The following GLI3 variants were observed in gnomAD, a reference collection of about 807,000 sequenced individuals.
GLI3 encodes GLI family zinc finger 3, also known as transcription activator GLI3.
GLI3 carries 20 observed loss-of-function variants against 100.8 expected under a neutral mutation model. That is an observed-to-expected ratio of 0.20 (90% CI 0.14 to 0.29). GLI3 has a LOEUF of 0.29. Ranked by LOEUF, GLI3 falls within the 10% of genes least tolerant of loss-of-function variation. The pLI is 1.00. For missense variants in GLI3, 2,040 were observed against 2,128.5 expected (o/e 0.96, Z 0.82); for synonymous variants, 938 against 860.5 (o/e 1.09, Z -1.58).
At chr7:42,030,112 C>T (rs1045167264) in intron 7 of GLI3, among the ~76,000 whole-genome samples, 2 of 152,306 alleles carry the variant, frequency 1.3e-5, no homozygotes, top group South Asian at 2.1e-4. Flanking sequence ...TTATTCCAGA[C>T]GGTCTAGGCT....
chr7:42,162,965 CTTTTTTTTTTTTTTTTT>C (rs58993499), intron 2 of GLI3, among the ~76,000 whole-genome samples: 1 of 95,576 alleles, frequency 1.0e-5, no homozygotes, highest in Non-Finnish European at 2.0e-5. Flanking sequence ...GAATAAACAC[CTTTTTTTTTTTTTTTTT>C]TTTTTTTTTT....
Position 41,963,443 on chromosome 7 carries a change from C to T in GLI3, c.*887G>A, listed in dbSNP as rs936641071. ...CTACCCAATTGCTTCAATCTACCATCTATCTAACTTCTTACCAGAACAGAT... is the reference window on the plus strand; with the variant it reads ...CTACCCAATTGCTTCAATCTACCATTTATCTAACTTCTTACCAGAACAGAT... On this transcript the variant is annotated 3_prime_UTR_variant, in exon 15 of 15. Transcript: ENST00000395925. 6.6e-6 allele frequency: 1 copy of T among 152,246 alleles called. No homozygotes were observed. Among genetic ancestry groups the T allele is most frequent in the African/African-American group, 2.4e-5 (1 of 41,464 alleles). 9.4% of individuals were successfully genotyped at this position (152,246 alleles called of 1,614,324 possible).
intron 4 of GLI3, 65 bp downstream of exon 4, chr7:42,076,687 G>C: frequency 2.0e-6 from 2 of 1,013,098 alleles, no homozygotes; most frequent in South Asian, 2.5e-5. Context: ...TTAACAAAAA[G>C]TCCTGAGATG....
chr7:42,013,820 A>C (rs1208986563), intron 10 of GLI3, among the ~76,000 whole-genome samples: 1 of 152,194 alleles, frequency 6.6e-6, no homozygotes, highest in Non-Finnish European at 1.5e-5. Flanking sequence ...AACGACCCTG[A>C]TAATCCTGTT....
At chr7:42,208,217 A>G (rs1583648729) in intron 2 of GLI3, among the ~76,000 whole-genome samples, 1 of 152,162 alleles carries the variant, frequency 6.6e-6, no homozygotes. Context: ...AGAGGAGAGC[A>G]GGGAATAGCA....
At chr7:42,113,459 C>A (rs1785768036) in intron 3 of GLI3, 1 of 750,150 alleles carries the variant, frequency 1.3e-6, no homozygotes, top group Admixed American at 1.7e-5. Flanking sequence ...TCTGCTAAAC[C>A]TGCTCCTCCA....
intron 2 of GLI3, among the ~76,000 whole-genome samples, chr7:42,175,618 C>CAA (rs545191898): frequency 6.7e-4 from 87 of 130,420 alleles, no homozygotes; most frequent in African/African-American, 1.9e-3. Context: ...ACTCTGTCTC[C>CAA]AAAAAAAAAA....
chr7:42,017,124 G>A (rs906539527), intron 10 of GLI3, among the ~76,000 whole-genome samples: 1 of 152,168 alleles, frequency 6.6e-6, no homozygotes, highest in African/African-American at 2.4e-5. Flanking sequence ...TAATAAACAG[G>A]AGAATACATT....
At chr7:42,099,510 T>A (rs1785413277) in intron 3 of GLI3, among the ~76,000 whole-genome samples, 1 of 152,216 alleles carries the variant, frequency 6.6e-6, no homozygotes, top group African/African-American at 2.4e-5. Context: ...ATGAACATAT[T>A]ATATTTATTT....
intron 1 of GLI3, among the ~76,000 whole-genome samples, chr7:42,257,573 T>G (rs1789098122): frequency 6.6e-6 from 1 of 152,098 alleles, no homozygotes; most frequent in African/African-American, 2.4e-5. Flanking sequence ...CTCCATCTCC[T>G]GACCTCGTGA....
intron 3 of GLI3, among the ~76,000 whole-genome samples, chr7:42,135,046 A>G (rs1289247809): frequency 2.0e-5 from 3 of 152,184 alleles, no homozygotes; most frequent in African/African-American, 7.2e-5. Context: ...ACCCCCTTGG[A>G]ATCTGAAATC....
chr7:42,226,579 T>G (rs570363827), intron 1 of GLI3, among the ~76,000 whole-genome samples: 34 of 152,288 alleles, frequency 2.2e-4, no homozygotes, highest in African/African-American at 7.0e-4. Context: ...AATAGGCCCT[T>G]GGTCACTCAA....
chr7:42,180,534 T>A (rs779844552), intron 2 of GLI3, among the ~76,000 whole-genome samples: 12 of 152,100 alleles, frequency 7.9e-5, no homozygotes, highest in Non-Finnish European at 1.5e-4. Flanking sequence ...ACAAATCAGG[T>A]GACACAGGCG....
chr7:42,051,082 C>G (rs1343461441), intron 4 of GLI3, among the ~76,000 whole-genome samples: 1 of 152,178 alleles, frequency 6.6e-6, no homozygotes, highest in Non-Finnish European at 1.5e-5. Context: ...AACCAGCTTC[C>G]CACGAGTGAG....
intron 10 of GLI3, among the ~76,000 whole-genome samples, chr7:42,008,130 C>T (rs534533436): frequency 6.6e-6 from 1 of 152,312 alleles, no homozygotes; most frequent in South Asian, 2.1e-4. Context: ...CCACTGGATG[C>T]TCTGTATTAC....
chr7:42,013,598 C>T (rs1289754184), intron 10 of GLI3, among the ~76,000 whole-genome samples: 1 of 152,030 alleles, frequency 6.6e-6, no homozygotes, highest in Non-Finnish European at 1.5e-5. Flanking sequence ...GTCTTGAACT[C>T]CTAAGTTCAA....
intron 3 of GLI3, among the ~76,000 whole-genome samples, chr7:42,118,955 C>T (rs1785927334): frequency 6.6e-6 from 1 of 152,196 alleles, no homozygotes; most frequent in Non-Finnish European, 1.5e-5. Flanking sequence ...ATTTGGGTGA[C>T]CCTTTCACAG....
intron 3 of GLI3, among the ~76,000 whole-genome samples, chr7:42,132,267 AT>A (rs542655206): frequency 3.5e-5 from 3 of 85,622 alleles, no homozygotes; most frequent in Non-Finnish European, 2.2e-5. Flanking sequence ...CGCCCGGCTA[AT>A]TTTTTGTATT....
intron 3 of GLI3, among the ~76,000 whole-genome samples, chr7:42,129,752 T>C (rs1786226556): frequency 6.6e-6 from 1 of 151,836 alleles, no homozygotes; most frequent in Non-Finnish European, 1.5e-5. Flanking sequence ...GGAGCTTGCA[T>C]TGAGCCGAGA....
Sources: allele counts gnomAD v4.1 joint callset (sites outside exome capture counted in the v4.1 genomes callset), GRCh38; gene constraint gnomAD v4.1.1; transcripts MANE v1.5; gene names NCBI Gene and HGNC (gene_info 2026-07-23, HGNC 2026-07-21).